GPHN: variants seen among roughly 807,000 people sequenced by gnomAD.
GPHN encodes the protein gephyrin.
In GPHN, 17 loss-of-function variants were observed where a neutral mutation model predicts 95.5. That is an observed-to-expected ratio of 0.18 (90% confidence interval 0.12 to 0.27). GPHN has a LOEUF of 0.27. GPHN is among the 10% of genes least tolerant of loss of function. The pLI is 1.00. For synonymous variants in GPHN, 320 were observed against 322.5 expected (o/e 0.99, Z 0.08); for missense variants, 660 against 978.1 (o/e 0.67, Z 4.34).
intron 1 of GPHN, among the ~76,000 whole-genome samples, chr14:66,537,619 C>T (rs184400512): frequency 2.0e-5 from 3 of 152,092 alleles, no homozygotes; most frequent in Non-Finnish European, 4.4e-5. Flanking sequence ...TTATATTTAT[C>T]CACATGTGTA....
the GPHN span, among the ~76,000 whole-genome samples, chr14:67,726,575 C>T: frequency 2.0e-5 from 3 of 152,108 alleles, no homozygotes; most frequent in South Asian, 2.1e-4. Flanking sequence ...TGGGGTTCAG[C>T]GTTCAAGGCA....
the GPHN span, among the ~76,000 whole-genome samples, chr14:67,609,297 T>C: frequency 1.2e-4 from 18 of 152,346 alleles, no homozygotes. Context: ...TTATAACGCA[T>C]ATTTTAAAGG....
intron 1 of GPHN, among the ~76,000 whole-genome samples, chr14:66,573,297 G>C (rs1346710814): frequency 6.6e-6 from 1 of 152,066 alleles, no homozygotes; most frequent in Non-Finnish European, 1.5e-5. Context: ...CTGGGATATA[G>C]ATATTTTCTA....
chr14:66,514,178 A>G lies in GPHN; in HGVS notation c.64+5587A>G, dbSNP rs576251574. Among the ~76,000 whole-genome samples, 6 of 152,140 alleles carry G rather than the reference A, an allele frequency of 3.9e-5. No individual in the cohort carries two copies. The East Asian group carries it at 9.6e-4, about 24-fold the overall frequency. On this transcript the variant is annotated intron_variant, in intron 1 of 22. Transcript: ENST00000478722. ...TGGTATTAATTTAAATAACTTTAAT[A>G]TTAAGATAAGCATAAGTAAATTAGG... is the stretch of plus-strand genomic sequence containing the variant.
chr14:67,330,455 AT>A, the GPHN span, among the ~76,000 whole-genome samples: 8,996 of 117,642 alleles, frequency 0.076, 347 homozygotes, highest in African/African-American at 0.2. Context: ...ATTTCCCTTC[AT>A]TTTTTTTTTT....
intron 8 of GPHN, among the ~76,000 whole-genome samples, chr14:66,955,258 ATT>A (rs1311536557): frequency 6.6e-6 from 1 of 152,122 alleles, no homozygotes; most frequent in Non-Finnish European, 1.5e-5. Flanking sequence ...TGTTGAAAGT[ATT>A]TTTATGTACT....
intron 3 of GPHN, among the ~76,000 whole-genome samples, chr14:66,777,770 A>G (rs951223688): frequency 3.9e-5 from 6 of 152,214 alleles, no homozygotes; most frequent in Non-Finnish European, 8.8e-5. Context: ...ACAAAATTCA[A>G]CAACCCTTCA....
intron 3 of GPHN, among the ~76,000 whole-genome samples, chr14:66,777,788 A>C (rs2059437935): frequency 6.6e-6 from 1 of 152,218 alleles, no homozygotes; most frequent in Admixed American, 6.5e-5. Context: ...TCATGCTAAA[A>C]ACTCTCAATA....
At chr14:66,998,166 T>C (rs2071946343) in intron 9 of GPHN, among the ~76,000 whole-genome samples, 1 of 152,180 alleles carries the variant, frequency 6.6e-6, no homozygotes, top group South Asian at 2.1e-4. Flanking sequence ...TGCTGTGGCA[T>C]TTGCACCATG....
intron 1 of GPHN, among the ~76,000 whole-genome samples, chr14:66,611,483 T>TAAGGCA (rs2062781603): frequency 6.6e-6 from 1 of 152,170 alleles, no homozygotes; most frequent in Non-Finnish European, 1.5e-5. Flanking sequence ...GAATCCTTGC[T>TAAGGCA]TTTGCTTTTA....
the GPHN span, among the ~76,000 whole-genome samples, chr14:67,372,297 G>A: frequency 1.3e-5 from 2 of 152,216 alleles, no homozygotes; most frequent in Non-Finnish European, 2.9e-5. Flanking sequence ...TTATACAAAA[G>A]TTAGCTTAAA....
the GPHN span, among the ~76,000 whole-genome samples, chr14:67,301,170 G>T: frequency 6.6e-6 from 1 of 151,994 alleles, no homozygotes; most frequent in Non-Finnish European, 1.5e-5. Flanking sequence ...GTCTATAGGC[G>T]TAAGTACCAA....
the GPHN span, among the ~76,000 whole-genome samples, chr14:67,369,154 T>C: frequency 7.9e-5 from 12 of 152,194 alleles, no homozygotes; most frequent in African/African-American, 2.9e-4. Flanking sequence ...ACAAGAGATA[T>C]ACTTGGTTGA....
intron 4 of GPHN, among the ~76,000 whole-genome samples, chr14:66,845,246 T>G (rs2062270994): frequency 6.6e-6 from 1 of 152,164 alleles, no homozygotes; most frequent in Non-Finnish European, 1.5e-5. Context: ...CAATAGCATT[T>G]AATACTTTAG....
the GPHN span, chr14:67,397,890 G>C: frequency 6.5e-6 from 9 of 1,380,578 alleles, no homozygotes; most frequent in Admixed American, 1.3e-4. Context: ...GTTCAGGGAG[G>C]GGGTGTCTGG....
the GPHN span, among the ~76,000 whole-genome samples, chr14:67,609,480 T>C: frequency 1.3e-5 from 2 of 152,128 alleles, no homozygotes; most frequent in Admixed American, 6.5e-5. Context: ...GTAGGGCTGA[T>C]TGATTAAATC....
At chr14:66,965,598 T>C (rs2069268292) in intron 9 of GPHN, among the ~76,000 whole-genome samples, 1 of 152,176 alleles carries the variant, frequency 6.6e-6, no homozygotes, top group African/African-American at 2.4e-5. Context: ...TGTAGATTTG[T>C]TATTTTTTAG....
At chr14:67,042,612 T>C (rs977918248) in intron 10 of GPHN, among the ~76,000 whole-genome samples, 11 of 152,356 alleles carry the variant, frequency 7.2e-5, no homozygotes, top group African/African-American at 2.6e-4. Context: ...ACCAGTATCA[T>C]GCTGTTTTGG....
At chr14:67,573,267 A>C in the GPHN span, 1 of 1,576,424 alleles carries the variant, frequency 6.3e-7, no homozygotes, top group Non-Finnish European at 8.7e-7. This position sits in a 1 kb window ranked among gnomAD's most constrained non-coding sequence, Gnocchi z 4.8. Flanking sequence ...ACACCCTTCC[A>C]CCCCTCAGGA....
Sources: gnomAD v4.1 joint callset for allele counts (sites outside exome capture counted in the v4.1 genomes callset) on GRCh38, gnomAD v4.1.1 for gene constraint, Gnocchi (gnomAD v3.1) non-coding constraint, MANE v1.5 for transcripts, NCBI Gene and HGNC (gene_info 2026-07-23, HGNC 2026-07-21) for gene names.